PTPRG: variants seen among roughly 807,000 people sequenced by gnomAD.
The protein encoded by PTPRG is protein tyrosine phosphatase receptor type G, also known as receptor-type tyrosine-protein phosphatase gamma.
PTPRG carries 102 observed loss-of-function variants against 165.3 expected under a neutral mutation model. That is an observed-to-expected ratio of 0.62 (90% confidence interval 0.53 to 0.73). The LOEUF is 0.73. Among genes scored for constraint, PTPRG ranks in the 30% least tolerant of loss-of-function variants. The pLI is 0.00. For synonymous variants in PTPRG, 675 were observed against 669.5 expected (o/e 1.01, Z -0.13); for missense variants, 1,866 against 1,861.4 (o/e 1.00, Z -0.05).
At chr3:61,692,976 C>G (rs1257712204) in intron 1 of PTPRG, among the ~76,000 whole-genome samples, 1 of 152,246 alleles carries the variant, frequency 6.6e-6, no homozygotes, top group South Asian at 2.1e-4. Flanking sequence ...TCTTCAGGGT[C>G]TTCCCAGCCC....
At chr3:61,768,366 G>C (rs562910689) in intron 2 of PTPRG, among the ~76,000 whole-genome samples, 58 of 152,256 alleles carry the variant, frequency 3.8e-4, no homozygotes, top group African/African-American at 1.4e-3. Context: ...TAATTTTCCT[G>C]GTTTCTCTGT....
chr3:61,861,377 C>A (rs137926796), intron 2 of PTPRG, among the ~76,000 whole-genome samples: 1 of 152,242 alleles, frequency 6.6e-6, no homozygotes, highest in African/African-American at 2.4e-5. Flanking sequence ...CAAAATCCCA[C>A]GAAGGCATTG....
rs140849902 is a variant in PTPRG at position 61,864,820 on chromosome 3, G to T, written c.190+115838G>T. On this transcript the variant is annotated intron_variant, in intron 2 of 29. Transcript: ENST00000474889. Reference sequence around the variant, plus strand: ...GGAAGACCAGGGGTTCCATCTCCTCGTAATGTGTGGTATCTGTTCTCTCAT... The same window carrying T: ...GGAAGACCAGGGGTTCCATCTCCTCTTAATGTGTGGTATCTGTTCTCTCAT... 4.8e-4 allele frequency among the ~76,000 whole-genome samples: 73 copies of T among 152,246 alleles called. 1 individual carries two copies. In the East Asian group the frequency reaches 6.8e-3, roughly 14 times the overall value.
chr3:62,293,417 A>G lies in PTPRG; in HGVS notation c.*110A>G. ...TACAATAACCCAGTTACTTTTTTAC[A>G]CTGATAAAAGTTTTGATATTTATTT... On this transcript the variant is annotated 3_prime_UTR_variant, in exon 30 of 30. Transcript: ENST00000474889. 4 of 968,890 alleles carry G rather than the reference A, an allele frequency of 4.1e-6. No individual in the cohort carries two copies. Among genetic ancestry groups the G allele is most frequent in the Non-Finnish European group, 5.8e-6 (4 of 687,236 alleles). 60.0% of individuals were successfully genotyped at this position (968,890 alleles called of 1,614,324 possible). A position where few individuals can be genotyped will look rare whatever the true frequency, so the allele number is the denominator to read the frequency against.
chr3:62,036,103 G>A (rs1257336206), intron 4 of PTPRG, among the ~76,000 whole-genome samples: 1 of 151,406 alleles, frequency 6.6e-6, no homozygotes, highest in African/African-American at 2.4e-5. Flanking sequence ...GGGGTAGACA[G>A]ATACAAAAAC....
At chr3:62,179,112 A>G (rs1705552443) in intron 8 of PTPRG, among the ~76,000 whole-genome samples, 1 of 152,172 alleles carries the variant, frequency 6.6e-6, no homozygotes. Flanking sequence ...TTCTTCAGGT[A>G]TCTGTCCAGG....
intron 1 of PTPRG, among the ~76,000 whole-genome samples, chr3:61,680,479 G>T (rs999461787): frequency 7.8e-6 from 1 of 128,240 alleles, no homozygotes; most frequent in African/African-American, 2.8e-5. Flanking sequence ...AGGTTAACAT[G>T]TTGGCAATTA....
chr3:61,857,462 TAGACTAG>T (rs2037144222), intron 2 of PTPRG, among the ~76,000 whole-genome samples: 1 of 152,030 alleles, frequency 6.6e-6, no homozygotes. Flanking sequence ...GGTCAGGGAG[TAGACTAG>T]AGAGATAACT....
At chr3:62,199,854 G>A (rs1351612169) in intron 10 of PTPRG, among the ~76,000 whole-genome samples, 1 of 152,176 alleles carries the variant, frequency 6.6e-6, no homozygotes, top group African/African-American at 2.4e-5. Flanking sequence ...CAACCTAAGT[G>A]TCCATTGACC....
At chr3:61,943,591 T>C (rs1271028715) in intron 2 of PTPRG, among the ~76,000 whole-genome samples, 1 of 152,290 alleles carries the variant, frequency 6.6e-6, no homozygotes, top group African/African-American at 2.4e-5. Flanking sequence ...ATAATAATAA[T>C]AATTTTTACC....
intron 4 of PTPRG, among the ~76,000 whole-genome samples, chr3:62,048,941 A>G (rs1700381066): frequency 6.6e-6 from 1 of 152,230 alleles, no homozygotes; most frequent in Admixed American, 6.5e-5. Flanking sequence ...AGCTTGAACA[A>G]GTAGACTGCT....
intron 2 of PTPRG, among the ~76,000 whole-genome samples, chr3:61,962,542 A>ATT (rs34551590): frequency 3.3e-5 from 5 of 152,100 alleles, no homozygotes; most frequent in African/African-American, 1.2e-4. Context: ...ATTAAGGCTC[A>ATT]TTTTTTTATA....
chr3:61,867,769 G>C (rs1310899517), intron 2 of PTPRG, among the ~76,000 whole-genome samples: 1 of 152,182 alleles, frequency 6.6e-6, no homozygotes, highest in Non-Finnish European at 1.5e-5. Context: ...TTCAGAGATA[G>C]AGGACATAGG....
intron 6 of PTPRG, among the ~76,000 whole-genome samples, chr3:62,145,437 C>A (rs1478344350): frequency 6.6e-6 from 1 of 152,148 alleles, no homozygotes; most frequent in Admixed American, 6.5e-5. Context: ...CAGGAAATGA[C>A]TGCAGAGTTC....
chr3:62,157,750 G>T (rs1194703162), intron 7 of PTPRG, among the ~76,000 whole-genome samples: 2 of 152,200 alleles, frequency 1.3e-5, no homozygotes, highest in Non-Finnish European at 2.9e-5. Context: ...CAAAGAGCAT[G>T]CTCTGACCAC....
At chr3:62,246,736 T>C (rs1203584365) in intron 15 of PTPRG, among the ~76,000 whole-genome samples, 2 of 152,154 alleles carry the variant, frequency 1.3e-5, no homozygotes, top group African/African-American at 4.8e-5. Context: ...CTAAAAATAA[T>C]ACGAGATTTA....
chr3:61,899,897 C>T (rs1207153670), intron 2 of PTPRG, among the ~76,000 whole-genome samples: 1 of 152,158 alleles, frequency 6.6e-6, no homozygotes, highest in African/African-American at 2.4e-5. Context: ...CTTTTTGTAC[C>T]TTCTTTAACT....
At chr3:62,065,980 A>G (rs975749459) in intron 4 of PTPRG, among the ~76,000 whole-genome samples, 7 of 152,146 alleles carry the variant, frequency 4.6e-5, no homozygotes, top group East Asian at 1.9e-4. Context: ...TTTTGCAGCA[A>G]CCTTTTTCTT....
intron 2 of PTPRG, chr3:61,925,743 TA>T (rs35919403): frequency 0.079 from 25,507 of 321,844 alleles, no homozygotes; most frequent in Non-Finnish European, 0.097. Flanking sequence ...ACTCTATCTT[TA>T]AAAAAAAAAA....
Sources: gnomAD v4.1 joint callset for allele counts (sites outside exome capture counted in the v4.1 genomes callset) on GRCh38, gnomAD v4.1.1 for gene constraint, MANE v1.5 for transcripts, NCBI Gene and HGNC (gene_info 2026-07-23, HGNC 2026-07-21) for gene names.